Variants in CCDC66 observed in about 807,000 individuals in gnomAD.
The protein encoded by CCDC66 is coiled-coil domain containing 66.
Under a neutral mutation model 128.3 loss-of-function variants are expected in CCDC66, and 133 were observed. The ratio of observed to expected loss-of-function variants is 1.04; its 90% CI spans 0.90 to 1.20. The LOEUF is 1.20. Among genes scored for constraint, CCDC66 ranks in the 50% most tolerant of loss-of-function variants. The pLI is 0.00. For missense variants in CCDC66, 1,126 were observed against 1,075.5 expected (o/e 1.05, Z -0.66); for synonymous variants, 387 against 357.0 (o/e 1.08, Z -0.95).
chr3:56,560,719 C>CA, intron 3 of CCDC66: 1 of 366,220 alleles, frequency 2.7e-6, no homozygotes. Context: ...AATTCCTTCT[C>CA]AAAAAACAAA....
chr3:56,615,387 G>A, intron 12 of CCDC66, 115 bp downstream of exon 12: 1 of 1,015,786 alleles, frequency 9.8e-7, no homozygotes, highest in African/African-American at 1.6e-5. Flanking sequence ...CTAGAGTGCA[G>A]TGGTGCCATC....
chr3:56,571,449 T>G, intron 7 of CCDC66, 147 bp downstream of exon 7: 1 of 505,016 alleles, frequency 2.0e-6, no homozygotes, highest in South Asian at 2.3e-5. Context: ...TGGCACAGTC[T>G]CAGCTCACTG....
chr3:56,576,085 A>G (rs1325291158), intron 7 of CCDC66, among the ~76,000 whole-genome samples: 1 of 151,482 alleles, frequency 6.6e-6, no homozygotes, highest in Admixed American at 6.7e-5. Context: ...TGATATTTTC[A>G]TAGAGATTGC....
chr3:56,597,875 A>C (rs559346502), intron 10 of CCDC66, among the ~76,000 whole-genome samples: 17 of 147,806 alleles, frequency 1.2e-4, no homozygotes, highest in African/African-American at 4.2e-4. Context: ...CACAGGTTCA[A>C]GCGATTCTCC....
In CCDC66 at chr3:56,615,928, C is replaced by A. The variant is rs778335151; in HGVS notation, c.1718C>A (p.Thr573Lys). ...GGTGATTTCTCTTTGCCAGTTGATA[C>A]AATACAAATGGAATATAATGCATCT... Reference protein sequence around the residue: ...SRLIKNLGVDTIQMEYNASNI... With the variant: ...SRLIKNLGVDKIQMEYNASNI... The change falls in exon 13 of 18, where the codon ACA becomes AAA. Residue 573 changes from threonine (T) to lysine (K), a missense_variant. Coordinates refer to ENST00000394672, the MANE Select transcript of CCDC66 (RefSeq NM_001141947.3). The A allele has an allele frequency of 1.3e-6, 2 of 1,591,334 alleles. No homozygotes were observed. The highest frequency in any genetic ancestry group is 1.7e-6 in the Non-Finnish European group (2 of 1,168,510).
At chr3:56,593,166 CTA>C in intron 8 of CCDC66, 65 bp downstream of exon 8, 5 of 1,295,742 alleles carry the variant, frequency 3.9e-6, no homozygotes, top group Non-Finnish European at 5.3e-6. Context: ...TCAATTAAAA[CTA>C]GAAGTATTCT....
At chr3:56,611,152 C>T (rs2074744526) in intron 10 of CCDC66, among the ~76,000 whole-genome samples, 1 of 152,184 alleles carries the variant, frequency 6.6e-6, no homozygotes. Flanking sequence ...TGTCTTTTGT[C>T]TTCCGATACC....
chr3:56,608,305 C>G (rs2074343529), intron 10 of CCDC66, among the ~76,000 whole-genome samples: 1 of 152,164 alleles, frequency 6.6e-6, no homozygotes, highest in East Asian at 1.9e-4. Flanking sequence ...TTCAATCTCA[C>G]TGCTTGCTAT....
At chr3:56,604,239 G>C (rs151031131) in intron 10 of CCDC66, among the ~76,000 whole-genome samples, 2 of 152,026 alleles carry the variant, frequency 1.3e-5, no homozygotes, top group Non-Finnish European at 1.5e-5. Flanking sequence ...CAGTTTGCCA[G>C]TCTGTGTCTT....
Position 56,557,193 on chromosome 3 carries a change from A to C in CCDC66, c.-50A>C. ...GCTTGCTGAGCGGCGGCGGCAACCG[A>C]CGTACACAAGGGGCTTGAGCGTTCT... On this transcript the variant is annotated 5_prime_UTR_variant, in exon 1 of 18. Coordinates refer to ENST00000394672, the MANE Select transcript of CCDC66 (RefSeq NM_001141947.3). 2 of 1,551,086 alleles carry C rather than the reference A, an allele frequency of 1.3e-6. No individual in the cohort carries two copies. Among genetic ancestry groups the C allele is most frequent in the Admixed American group, 2.0e-5 (1 of 50,986 alleles).
chr3:56,618,123 T>C, intron 14 of CCDC66, 49 bp from the exon 15 acceptor site: 3 of 1,395,318 alleles, frequency 2.2e-6, no homozygotes, highest in Non-Finnish European at 3.1e-6. Flanking sequence ...TGTGGGGACA[T>C]GTGAAGATGC....
At chr3:56,614,636 C>G (rs2075273424) in intron 11 of CCDC66, among the ~76,000 whole-genome samples, 1 of 152,118 alleles carries the variant, frequency 6.6e-6, no homozygotes, top group African/African-American at 2.4e-5. Flanking sequence ...AAGTGTAGAG[C>G]ACTTTAAACA....
chr3:56,571,210 AAAG>A lies in CCDC66; in HGVS notation c.848_850del (p.Glu283del), dbSNP rs879888236. ...ACAGGTTGCTTTAAAGAAGAAAGAA[AAAG>A]AAGTTTCTGAAAAATGGAATGATCC... On this transcript the variant is annotated inframe_deletion, in exon 7 of 18. Transcript: ENST00000394672. 4 of 1,532,274 alleles carry A rather than the reference AAAG, an allele frequency of 2.6e-6. No homozygotes were observed. The highest frequency in any genetic ancestry group is 2.8e-5 in the African/African-American group (2 of 71,628). 94.9% of individuals were successfully genotyped at this position (1,532,274 alleles called of 1,614,324 possible).
In CCDC66 at chr3:56,593,110, T is replaced by G. The variant is rs548245099; in HGVS notation, c.1068+9T>G. On this transcript the variant is annotated intron_variant, in intron 8 of 17. Transcript: ENST00000394672. The stretch of plus-strand genomic sequence containing the variant: ...AAATTATATATTCAAAGGTAACTTA[T>G]GAGGTTTTGTGGCTATAAAAGAAAA... 4 of 1,561,686 alleles carry G rather than the reference T, an allele frequency of 2.6e-6. No individual in the cohort carries two copies. Among genetic ancestry groups the G allele is most frequent in the Non-Finnish European group, 2.6e-6 (3 of 1,149,094 alleles).
At chr3:56,585,083 A>T (rs2069398762) in intron 7 of CCDC66, among the ~76,000 whole-genome samples, 1 of 145,592 alleles carries the variant, frequency 6.9e-6, no homozygotes, top group Non-Finnish European at 1.5e-5. Flanking sequence ...GAGACAGTGG[A>T]AAGAGAGGGA....
Position 56,558,886 on chromosome 3 carries a change from A to G in CCDC66, c.52A>G (p.Thr18Ala). Residue 18 changes from threonine to alanine, a missense_variant, in exon 2 of 18, where the codon ACC (threonine) becomes GCC (alanine). Transcript: ENST00000394672. ...KLETELLDGK[T>A]KLILSPYEHK... ...TGAAACTGAATTACTGGATGGAAAA[A>G]CCAAGCTAATATTGTCTCCATATGG... The G allele has an allele frequency of 6.5e-7, 1 of 1,549,290 alleles. No homozygotes were observed. Among genetic ancestry groups the G allele is most frequent in the East Asian group, 2.5e-5 (1 of 40,744 alleles).
rs908464936 is a variant in CCDC66 at position 56,619,831 on chromosome 3, T to A, written c.2690T>A (p.Leu897His). Residue 897 changes from leucine (L) to histidine (H), a missense_variant, in exon 17 of 18, where the codon CTT becomes CAT. By Grantham distance (99) the Leu-to-His change is moderately conservative (BLOSUM62 -3). Coordinates refer to ENST00000394672, the MANE Select transcript of CCDC66 (RefSeq NM_001141947.3). ...TCTGACTGTGTCAGGGATCCACTTC[T>A]TAATCCTAACATGGTGAAAAATAGG... ...FDSDCVRDPL[L>H]NPNMVKNRDR... 1.6e-5 allele frequency: 26 copies of A among 1,614,032 alleles called. No homozygotes were observed. The highest frequency in any genetic ancestry group is 1.8e-5 in the Non-Finnish European group (21 of 1,179,998).
chr3:56,610,254 A>C (rs1163117631), intron 10 of CCDC66, among the ~76,000 whole-genome samples: 1 of 151,984 alleles, frequency 6.6e-6, no homozygotes, highest in Non-Finnish European at 1.5e-5. Flanking sequence ...TCTTTCTTCT[A>C]CTTGTTCAAT....
At position 56,571,347 on chromosome 3, in the gene CCDC66, A is replaced by G. The variant is rs763505812; in HGVS notation, c.936+45A>G. On this transcript the variant is annotated intron_variant, in intron 7 of 17. Coordinates refer to ENST00000394672, the MANE Select transcript of CCDC66 (RefSeq NM_001141947.3). ...ATTTTTAAAATACTAAGCAGTGTTC[A>G]TATTATAGAATTTATTTTTAAAGCT... The G allele has an allele frequency of 2.4e-6, 3 of 1,256,962 alleles. No individual in the cohort carries two copies. In the South Asian group the frequency reaches 4.3e-5, roughly 18 times the overall value. The allele number at this position is 1,256,962 out of a possible 1,614,324, so 77.9% of individuals were successfully genotyped here. A position where few individuals can be genotyped will look rare whatever the true frequency, so the allele number is the denominator to read the frequency against.
Sources: allele counts gnomAD v4.1 joint callset (sites outside exome capture counted in the v4.1 genomes callset), GRCh38; gene constraint gnomAD v4.1.1; transcripts MANE v1.5; gene names NCBI Gene and HGNC (gene_info 2026-07-23, HGNC 2026-07-21).